PHACTR1: variants seen among roughly 807,000 people sequenced by gnomAD.
PHACTR1 encodes RPEL repeat containing 1.
A neutral mutation model predicts 69.2 loss-of-function variants in PHACTR1; 16 were observed. The ratio of observed to expected loss-of-function variants is 0.23; its 90% CI spans 0.16 to 0.35. The LOEUF (loss-of-function observed/expected upper bound fraction) is 0.35, where lower values mean the gene tolerates loss of function less well. Ranked by LOEUF, PHACTR1 falls within the 10% of genes least tolerant of loss-of-function variation. The probability of loss-of-function intolerance (pLI) is 1.00; values close to 1 mark genes in which losing one functional copy is unlikely to be tolerated. For missense variants in PHACTR1, 510 were observed against 734.7 expected (o/e 0.69, Z 3.54); for synonymous variants, 312 against 284.5 (o/e 1.10, Z -0.97).
intron 5 of PHACTR1, among the ~76,000 whole-genome samples, chr6:13,080,824 C>T (rs1474138114): frequency 2.0e-5 from 3 of 152,090 alleles, no homozygotes; most frequent in Non-Finnish European, 2.9e-5. Flanking sequence ...AGAGCTTTCT[C>T]CACCTAAATT....
intron 4 of PHACTR1, among the ~76,000 whole-genome samples, chr6:13,034,048 C>T (rs888708793): frequency 2.0e-5 from 3 of 151,342 alleles, no homozygotes; most frequent in Admixed American, 2.0e-4. Flanking sequence ...GACGGAATCT[C>T]GCTGTCGCCC....
chr6:12,929,207 G>T (rs1292140497), intron 4 of PHACTR1, among the ~76,000 whole-genome samples: 2 of 152,174 alleles, frequency 1.3e-5, no homozygotes, highest in Admixed American at 1.3e-4. Flanking sequence ...GAGGCAATTT[G>T]TGCTTCAGAG....
intron 4 of PHACTR1, among the ~76,000 whole-genome samples, chr6:13,035,793 G>A (rs185261064): frequency 2.6e-5 from 4 of 152,174 alleles, no homozygotes; most frequent in Non-Finnish European, 4.4e-5. Context: ...TTGCACATAC[G>A]TCAGTGATAG....
At chr6:12,899,938 A>G (rs1785026661) in intron 4 of PHACTR1, among the ~76,000 whole-genome samples, 1 of 152,166 alleles carries the variant, frequency 6.6e-6, no homozygotes, top group Admixed American at 6.5e-5. Context: ...ATCACTGGGG[A>G]CACAGCTTGC....
At chr6:12,965,068 C>G (rs1793267639) in intron 4 of PHACTR1, among the ~76,000 whole-genome samples, 2 of 152,194 alleles carry the variant, frequency 1.3e-5, no homozygotes, top group Non-Finnish European at 2.9e-5. Flanking sequence ...TAAATCATCT[C>G]TAGCTTACGT....
At chr6:12,731,129 C>T (rs956778623) in intron 3 of PHACTR1, among the ~76,000 whole-genome samples, 2 of 151,892 alleles carry the variant, frequency 1.3e-5, no homozygotes, top group African/African-American at 4.8e-5. Flanking sequence ...AATTCTCCTG[C>T]CTCAGCCTCC....
intron 5 of PHACTR1, among the ~76,000 whole-genome samples, chr6:13,145,988 A>G (rs1823289098): frequency 6.6e-6 from 1 of 152,214 alleles, no homozygotes; most frequent in Admixed American, 6.5e-5. Context: ...TCATTTGCAG[A>G]TCTGCTTGAC....
At chr6:12,802,975 T>A (rs904405661) in intron 4 of PHACTR1, among the ~76,000 whole-genome samples, 1 of 152,214 alleles carries the variant, frequency 6.6e-6, no homozygotes, top group Non-Finnish European at 1.5e-5. Flanking sequence ...TATGTGAAGA[T>A]AGCTAATATA....
intron 4 of PHACTR1, among the ~76,000 whole-genome samples, chr6:12,790,798 C>G (rs1156542126): frequency 1.3e-5 from 2 of 152,156 alleles, no homozygotes; most frequent in African/African-American, 4.8e-5. Context: ...GGAGATTTAT[C>G]CAGCTTGATG....
At chr6:12,905,095 A>C (rs1172713965) in intron 4 of PHACTR1, among the ~76,000 whole-genome samples, 4 of 152,164 alleles carry the variant, frequency 2.6e-5, no homozygotes, top group Non-Finnish European at 4.4e-5. Flanking sequence ...GGAACTTTTG[A>C]AAAATTATGA....
chr6:12,961,222 A>C (rs1452836152), intron 4 of PHACTR1, among the ~76,000 whole-genome samples: 2 of 152,212 alleles, frequency 1.3e-5, no homozygotes, highest in Non-Finnish European at 2.9e-5. Context: ...AAGATAACAC[A>C]AATGTCTAAA....
intron 4 of PHACTR1, among the ~76,000 whole-genome samples, chr6:12,864,898 C>T (rs1320333798): frequency 2.0e-5 from 3 of 152,144 alleles, no homozygotes; most frequent in African/African-American, 7.2e-5. Context: ...CATTTATAAT[C>T]CACTTCATTC....
In PHACTR1 at chr6:12,851,290, G is replaced by A. The variant is rs139664532; in HGVS notation, c.250+101500G>A. 2.3e-3 allele frequency among the ~76,000 whole-genome samples: 352 copies of A among 152,166 alleles called. 2 individuals are homozygous for A. Among genetic ancestry groups the A allele is most frequent in the Non-Finnish European group, 4.0e-3 (273 of 68,034 alleles). ...AAATAGCCTAGTTCAAGGGAGGCTT[G>A]GGAAACAATACACAGGCGAACATTT... On this transcript the variant is annotated intron_variant, in intron 4 of 14. Coordinates refer to ENST00000332995, the MANE Select transcript of PHACTR1 (RefSeq NM_030948.6).
chr6:13,201,477 T>C (rs1404566247), intron 7 of PHACTR1, among the ~76,000 whole-genome samples: 1 of 152,076 alleles, frequency 6.6e-6, no homozygotes, highest in African/African-American at 2.4e-5. Flanking sequence ...TACTTGGACT[T>C]GCAGCATGGA....
chr6:12,944,787 A>ATTTATTTAT (rs1554172585), intron 4 of PHACTR1, among the ~76,000 whole-genome samples: 3 of 116,396 alleles, frequency 2.6e-5, no homozygotes, highest in African/African-American at 9.8e-5. Flanking sequence ...ATTTTTATTT[A>ATTTATTTAT]TTTTTTTTTT....
chr6:13,232,688 G>A (rs1771405325), intron 10 of PHACTR1, among the ~76,000 whole-genome samples: 1 of 151,874 alleles, frequency 6.6e-6, no homozygotes, highest in East Asian at 1.9e-4. Context: ...TAGCATACTT[G>A]AAGACAATGA....
chr6:12,768,551 A>C (rs972839256), intron 4 of PHACTR1, among the ~76,000 whole-genome samples: 4 of 132,682 alleles, frequency 3.0e-5, no homozygotes, highest in Admixed American at 8.2e-5. Flanking sequence ...TGGGTGGATT[A>C]GTATGAAGGG....
At chr6:12,805,068 G>A (rs1774151153) in intron 4 of PHACTR1, among the ~76,000 whole-genome samples, 1 of 152,078 alleles carries the variant, frequency 6.6e-6, no homozygotes, top group Non-Finnish European at 1.5e-5. Flanking sequence ...GGTTATATGT[G>A]GGTTGCTGGG....
chr6:13,070,080 C>T (rs950944969), intron 5 of PHACTR1, among the ~76,000 whole-genome samples: 1 of 152,194 alleles, frequency 6.6e-6, no homozygotes, highest in Non-Finnish European at 1.5e-5. Flanking sequence ...TTCACCCTAG[C>T]AGGCTTCCCC....
Sources: gnomAD v4.1 joint callset for allele counts (sites outside exome capture counted in the v4.1 genomes callset) on GRCh38, gnomAD v4.1.1 for gene constraint, MANE v1.5 for transcripts, NCBI Gene and HGNC (gene_info 2026-07-23, HGNC 2026-07-21) for gene names.